Variants in SETDB1 observed in about 807,000 individuals in gnomAD.
SETDB1 encodes histone-lysine N-methyltransferase SETDB1.
Under a neutral mutation model 137.4 loss-of-function variants are expected in SETDB1, and 31 were observed. That is an observed-to-expected ratio of 0.23 (90% CI 0.17 to 0.30). The LOEUF is 0.30. SETDB1 is among the 10% of genes least tolerant of loss of function. SETDB1 has a pLI of 1.00. For synonymous variants in SETDB1, 548 were observed against 579.9 expected (o/e 0.95, Z 0.79); for missense variants, 1,113 against 1,631.5 (o/e 0.68, Z 5.47).
chr1:150,929,380 A>T (rs1013126504), intron 2 of SETDB1, among the ~76,000 whole-genome samples: 4 of 122,390 alleles, frequency 3.3e-5, no homozygotes, highest in Middle Eastern at 4.2e-3. Context: ...TTTTTATTTT[A>T]TTTTATTTTT....
intron 3 of SETDB1, among the ~76,000 whole-genome samples, chr1:150,938,713 A>G (rs1029268811): frequency 1.3e-5 from 2 of 152,050 alleles, no homozygotes; most frequent in African/African-American, 4.8e-5. Context: ...CATGTTGGCC[A>G]GGCTGGTCTG....
chr1:150,938,288 A>G (rs1164806493), intron 3 of SETDB1, among the ~76,000 whole-genome samples: 1 of 152,006 alleles, frequency 6.6e-6, no homozygotes, highest in Non-Finnish European at 1.5e-5. Flanking sequence ...GAGGAACCGC[A>G]TATTACATGA....
chr1:150,947,919 C>CT (rs1452359097), intron 10 of SETDB1, among the ~76,000 whole-genome samples: 2 of 151,966 alleles, frequency 1.3e-5, no homozygotes, highest in Non-Finnish European at 2.9e-5. Context: ...GGTAAATCAT[C>CT]TGAGATAGGA....
Position 150,949,735 on chromosome 1 carries a change from C to A in SETDB1, c.1583+210C>A, listed in dbSNP as rs1670441944. On this transcript the variant is annotated intron_variant, in intron 12 of 21. Coordinates refer to ENST00000692827, the MANE Select transcript of SETDB1 (RefSeq NM_001366418.1). ...AGCTGGGTGCTTGGAAATATGGTAT[C>A]ATCTGAAAGCCATTTGTTAAAACTT... Among the ~76,000 whole-genome samples the A allele has an allele frequency of 2.0e-5, 3 of 152,148 alleles. No homozygotes were observed. In the South Asian group the frequency reaches 6.2e-4, roughly 32 times the overall value.
intron 18 of SETDB1, 114 bp from the exon 19 acceptor site, chr1:150,962,860 C>T (rs1571664925): frequency 2.1e-6 from 3 of 1,454,878 alleles, no homozygotes; most frequent in East Asian, 4.6e-5. Flanking sequence ...TTTCATCCAG[C>T]ATCTAATCTT....
At chr1:150,934,715 A>T (rs1016992471) in intron 3 of SETDB1, among the ~76,000 whole-genome samples, 1 of 152,150 alleles carries the variant, frequency 6.6e-6, no homozygotes, top group Admixed American at 6.6e-5. Context: ...GATCTGAGTT[A>T]TCATCCAGTG....
chr1:150,954,143 C>T (rs917471917), intron 14 of SETDB1, among the ~76,000 whole-genome samples: 4 of 152,098 alleles, frequency 2.6e-5, no homozygotes, highest in South Asian at 2.1e-4. Flanking sequence ...CGTGAGCCAC[C>T]GCGCCCAGCC....
rs1670790587 is a variant in SETDB1, at chr1:150,960,713, A to T, written c.2654A>T (p.Asp885Val). 2 of 1,611,506 alleles carry T rather than the reference A, an allele frequency of 1.2e-6. No individual in the cohort carries two copies. The highest frequency in any genetic ancestry group is 2.2e-5 in the South Asian group (2 of 90,686). Residue 885 changes from aspartate (D) to valine (V), a missense_variant, in exon 16 of 22, where the codon GAC (aspartate) becomes GTC (valine). Around this residue, in one of 11 missense-constraint regions of SETDB1, gnomAD observed 373 missense variants for 412.7 expected, o/e 0.90. Transcript: ENST00000692827. ...TGTTCCTCTGACAGCAGTGGTGTAG[A>T]CTTGAAGGACCAGGAAGATGGCAAC... ...APCSSDSSGV[D>V]LKDQEDGNSG...
intron 10 of SETDB1, among the ~76,000 whole-genome samples, chr1:150,948,354 T>C (rs1476205105): frequency 1.4e-5 from 2 of 145,726 alleles, no homozygotes; most frequent in Admixed American, 1.4e-4. Flanking sequence ...CACTGCAACC[T>C]CCGCCTCCCG....
At chr1:150,961,481 C>T (rs1670819804) in intron 16 of SETDB1, 1 of 365,552 alleles carries the variant, frequency 2.7e-6, no homozygotes, top group Non-Finnish European at 5.2e-6. Context: ...TGGTGAAACC[C>T]CGTCTCTACT....
chr1:150,930,268 C>A, intron 3 of SETDB1, 150 bp downstream of exon 3: 1 of 638,806 alleles, frequency 1.6e-6, no homozygotes. Flanking sequence ...GAAAAAAATG[C>A]AACATTGTTA....
chr1:150,937,069 G>C (rs2102669082), intron 3 of SETDB1, among the ~76,000 whole-genome samples: 1 of 152,108 alleles, frequency 6.6e-6, no homozygotes, highest in African/African-American at 2.4e-5. Flanking sequence ...AGGTTGCTGT[G>C]AGCCAAGATT....
rs1670485877 is a variant in SETDB1 at position 150,951,351 on chromosome 1, C to T, written c.2217-14C>T. 1 of 1,553,230 alleles carries T rather than the reference C, an allele frequency of 6.4e-7. No homozygotes were observed. The highest frequency in any genetic ancestry group is 1.4e-5 in the African/African-American group (1 of 73,588). ...TCCCCCCGCTCCTTTCCTTTATTTC[C>T]CTCTGTCATATAGGTCCAAGTGTGC... On this transcript the variant is annotated splice_polypyrimidine_tract_variant and intron_variant, in intron 13 of 21. Coordinates refer to ENST00000692827, the MANE Select transcript of SETDB1 (RefSeq NM_001366418.1).
intron 5 of SETDB1, among the ~76,000 whole-genome samples, chr1:150,941,894 C>A (rs751756227): frequency 4.6e-5 from 7 of 152,130 alleles, no homozygotes; most frequent in Non-Finnish European, 8.8e-5. Flanking sequence ...GTAATCCCAG[C>A]ACTTTGGGAG....
intron 3 of SETDB1, among the ~76,000 whole-genome samples, chr1:150,934,243 C>T (rs778552581): frequency 5.9e-5 from 9 of 152,040 alleles, no homozygotes; most frequent in South Asian, 2.1e-4. Flanking sequence ...GAGGCCGAGA[C>T]GGGCAGATCA....
At chr1:150,942,789 G>A in intron 6 of SETDB1, 63 bp from the exon 7 acceptor site, 1 of 1,597,994 alleles carries the variant, frequency 6.3e-7, no homozygotes, top group South Asian at 1.1e-5. Context: ...CTCTCACATA[G>A]CAGCCTGGAT....
At chr1:150,962,554 A>G in intron 17 of SETDB1, 33 bp from the exon 18 acceptor site, 1 of 1,611,486 alleles carries the variant, frequency 6.2e-7, no homozygotes, top group East Asian at 2.2e-5. Flanking sequence ...ACAGCCAGTA[A>G]CCTGTTGGCT....
intron 14 of SETDB1, among the ~76,000 whole-genome samples, chr1:150,954,437 A>G (rs1670586261): frequency 6.6e-6 from 1 of 152,230 alleles, no homozygotes; most frequent in Non-Finnish European, 1.5e-5. Flanking sequence ...AGAACAGAGG[A>G]GAAAAGCATC....
chr1:150,962,358 G>A (rs935982927), intron 17 of SETDB1, among the ~76,000 whole-genome samples, 200 bp downstream of exon 17: 1 of 151,648 alleles, frequency 6.6e-6, no homozygotes, highest in Non-Finnish European at 1.5e-5. Context: ...TTGTAGACAC[G>A]GGGTTTCACC....
Sources: allele counts gnomAD v4.1 joint callset (sites outside exome capture counted in the v4.1 genomes callset), GRCh38; gene constraint gnomAD v4.1.1; regional missense constraint gnomAD v4.1.1; transcripts MANE v1.5; gene names NCBI Gene and HGNC (gene_info 2026-07-23, HGNC 2026-07-21).